Variants in DAB1 observed in about 807,000 individuals in gnomAD.
DAB1 encodes disabled homolog 1.
A neutral mutation model predicts 64.6 loss-of-function variants in DAB1; 15 were observed. The ratio of observed to expected loss-of-function variants is 0.23; its 90% confidence interval spans 0.16 to 0.36. The LOEUF (loss-of-function observed/expected upper bound fraction) is 0.36, where lower values mean the gene tolerates loss of function less well. Ranked by LOEUF, DAB1 falls within the 10% of genes least tolerant of loss-of-function variation. The probability of loss-of-function intolerance (pLI) is 1.00; values close to 1 mark genes in which losing one functional copy is unlikely to be tolerated. For missense variants in DAB1, 596 were observed against 706.7 expected (o/e 0.84, Z 1.78); for synonymous variants, 235 against 251.9 (o/e 0.93, Z 0.64).
At chr1:58,422,812 CA>C (rs66787863) in intron 3 of DAB1, among the ~76,000 whole-genome samples, 39,414 of 148,956 alleles carry the variant, frequency 0.26, 5,527 homozygotes, top group Middle Eastern at 0.3. Context: ...AATGCTACTG[CA>C]AAAAAAAAGA....
At chr1:57,413,743 CAAAAA>C (rs58388088) in intron 1 of DAB1, among the ~76,000 whole-genome samples, 4 of 64,504 alleles carry the variant, frequency 6.2e-5, no homozygotes, top group African/African-American at 1.0e-4. Context: ...GACTCTGTCT[CAAAAA>C]AAAAAAAAAA....
At chr1:57,120,175 T>C (rs1207190011) in intron 4 of DAB1, among the ~76,000 whole-genome samples, 1 of 152,204 alleles carries the variant, frequency 6.6e-6, no homozygotes, top group African/African-American at 2.4e-5. Context: ...CAACATCTAC[T>C]ATCTGTGATG....
chr1:57,647,734 A>T (rs1316914684), intron 7 of DAB1, among the ~76,000 whole-genome samples: 1 of 152,232 alleles, frequency 6.6e-6, no homozygotes, highest in African/African-American at 2.4e-5. Context: ...TGGCACATTG[A>T]TCTTCTTAAC....
intron 6 of DAB1, chr1:57,649,677 C>G (rs1216000055): frequency 6.6e-6 from 1 of 152,096 alleles, no homozygotes; most frequent in African/African-American, 2.4e-5. Flanking sequence ...TGAAAACAAA[C>G]AAAACATGAT....
chr1:57,160,229 A>C (rs1351904375), intron 2 of DAB1, among the ~76,000 whole-genome samples: 2 of 152,200 alleles, frequency 1.3e-5, no homozygotes, highest in Non-Finnish European at 2.9e-5. Flanking sequence ...CCACTCTGCA[A>C]GGCAGGCACA....
intron 3 of DAB1, among the ~76,000 whole-genome samples, chr1:58,495,325 C>T (rs1043147595): frequency 3.9e-5 from 6 of 151,914 alleles, no homozygotes; most frequent in Non-Finnish European, 7.4e-5. Context: ...TGTTAAATGA[C>T]GAGTTAATGG....
chr1:58,401,828 A>G (rs1032444296), intron 3 of DAB1, among the ~76,000 whole-genome samples: 2 of 152,252 alleles, frequency 1.3e-5, no homozygotes, highest in South Asian at 2.1e-4. Flanking sequence ...TTTAAAATAC[A>G]TAACATATTC....
intron 14 of DAB1, among the ~76,000 whole-genome samples, chr1:57,002,792 A>C (rs1036786123): frequency 1.1e-4 from 17 of 152,308 alleles, no homozygotes; most frequent in African/African-American, 4.1e-4. Flanking sequence ...TCTTTTTCTT[A>C]CCATCACACA....
chr1:57,281,904 A>T (rs1053092029), intron 2 of DAB1, among the ~76,000 whole-genome samples: 1 of 152,096 alleles, frequency 6.6e-6, no homozygotes, highest in Non-Finnish European at 1.5e-5. Context: ...GAAACTCACA[A>T]TGTTAACCAA....
intron 6 of DAB1, among the ~76,000 whole-genome samples, chr1:57,654,946 G>C (rs1280089777): frequency 6.6e-6 from 1 of 152,082 alleles, no homozygotes; most frequent in Non-Finnish European, 1.5e-5. Flanking sequence ...TATAAAGTCA[G>C]AATTAAGTAA....
At chr1:57,837,262 C>T (rs1652849388) in intron 1 of DAB1, among the ~76,000 whole-genome samples, 1 of 152,192 alleles carries the variant, frequency 6.6e-6, no homozygotes, top group Non-Finnish European at 1.5e-5. Context: ...TCAGCGGGTG[C>T]TAAGTGTTTT....
intron 1 of DAB1, among the ~76,000 whole-genome samples, chr1:57,381,405 G>A (rs1195170408): frequency 1.3e-5 from 2 of 152,088 alleles, no homozygotes; most frequent in African/African-American, 4.8e-5. Context: ...TAAAGCATAA[G>A]GCTCTTGAGT....
intron 6 of DAB1, among the ~76,000 whole-genome samples, chr1:57,757,198 A>C (rs1223197716): frequency 1.1e-5 from 1 of 90,070 alleles, no homozygotes; most frequent in African/African-American, 3.1e-5. Context: ...CAGGGGCAGA[A>C]TTTTTTTTTT....
At chr1:57,925,356 T>C (rs536778700) in intron 5 of DAB1, among the ~76,000 whole-genome samples, 2 of 152,344 alleles carry the variant, frequency 1.3e-5, no homozygotes, top group Admixed American at 6.5e-5. Context: ...TCTAAGATGA[T>C]TAACAACCAG....
rs1658167710 is a variant in DAB1 at position 57,136,831 on chromosome 1, G to A, written c.208-190C>T. Among the ~76,000 whole-genome samples, 4 of 152,076 alleles carry A rather than the reference G, an allele frequency of 2.6e-5. No homozygotes were observed. The South Asian group carries it at 6.2e-4, about 24-fold the overall frequency. On this transcript the variant is annotated intron_variant, in intron 3 of 14. Transcript: ENST00000371236. ...GTGTTTTAGGGTAATGCTTGTCCTA[G>A]TGTTTCTAACACATTGTATAGAGAA...
At position 58,505,326 on chromosome 1, in the gene DAB1, G is replaced by A. The variant is rs186220377; in HGVS notation, n.257+734C>T. On this transcript the variant is annotated intron_variant and non_coding_transcript_variant, in intron 3 of 20. Coordinates refer to the DAB1 transcript ENST00000485760. ...TTCTTAAATTGCTAAAAAATGTTCC[G>A]CTTTCATAACAAGCCACCAAATTTA... Among the ~76,000 whole-genome samples the A allele has an allele frequency of 2.6e-5, 4 of 152,242 alleles. No homozygotes were observed. In the East Asian group the frequency reaches 5.8e-4, roughly 22 times the overall value.
At chr1:57,288,492 A>G (rs1672512217) in intron 2 of DAB1, among the ~76,000 whole-genome samples, 1 of 152,114 alleles carries the variant, frequency 6.6e-6, no homozygotes, top group Non-Finnish European at 1.5e-5. Flanking sequence ...GGGAAAGAAG[A>G]GAAGGAAAGA....
intron 6 of DAB1, among the ~76,000 whole-genome samples, chr1:57,751,067 T>G (rs935794057): frequency 5.9e-5 from 9 of 152,260 alleles, no homozygotes; most frequent in African/African-American, 1.9e-4. Context: ...CTGCTCAGCC[T>G]CAGCTGATTG....
chr1:57,840,691 A>G (rs1653010367), intron 1 of DAB1, among the ~76,000 whole-genome samples: 1 of 152,098 alleles, frequency 6.6e-6, no homozygotes, highest in South Asian at 2.1e-4. Flanking sequence ...AAGGGGGGCA[A>G]GTGCCACACT....
Sources: gnomAD v4.1 joint callset for allele counts (sites outside exome capture counted in the v4.1 genomes callset) on GRCh38, gnomAD v4.1.1 for gene constraint, MANE v1.5 for transcripts, NCBI Gene and HGNC (gene_info 2026-07-23, HGNC 2026-07-21) for gene names.